CFAP299: variants seen among roughly 807,000 people sequenced by gnomAD.
The protein encoded by CFAP299 is cilia- and flagella-associated protein 299.
CFAP299 carries 21 observed loss-of-function variants against 27.0 expected under a neutral mutation model. The ratio of observed to expected loss-of-function variants is 0.78; its 90% CI spans 0.55 to 1.12. The LOEUF is 1.12. Among genes scored for constraint, CFAP299 ranks in the 50% most tolerant of loss-of-function variants. The pLI is 0.00. For missense variants in CFAP299, 310 were observed against 276.6 expected (o/e 1.12, Z -0.86); for synonymous variants, 104 against 98.1 (o/e 1.06, Z -0.36).
At chr4:80,582,393 CT>C (rs2109871125) in intron 2 of CFAP299, among the ~76,000 whole-genome samples, 1 of 151,814 alleles carries the variant, frequency 6.6e-6, no homozygotes, top group East Asian at 1.9e-4. Context: ...TCATTGTGCC[CT>C]GATACAGTTA....
chr4:80,512,302 G>A (rs1732348649), intron 2 of CFAP299, among the ~76,000 whole-genome samples: 1 of 151,818 alleles, frequency 6.6e-6, no homozygotes, highest in Non-Finnish European at 1.5e-5. Context: ...CTCCTTGATT[G>A]ATTACCTAGA....
intron 4 of CFAP299, among the ~76,000 whole-genome samples, chr4:80,922,840 T>C (rs1736113046): frequency 6.7e-6 from 1 of 149,168 alleles, no homozygotes; most frequent in Admixed American, 6.7e-5. Flanking sequence ...AATATAAATA[T>C]AAAATATTAG....
chr4:80,549,611 ACAGGG>A (rs1734403725), intron 2 of CFAP299, among the ~76,000 whole-genome samples: 1 of 152,266 alleles, frequency 6.6e-6, no homozygotes, highest in East Asian at 1.9e-4. Context: ...TGGATTTTCA[ACAGGG>A]TAACTGTGGA....
intron 2 of CFAP299, among the ~76,000 whole-genome samples, chr4:80,465,825 C>T (rs549106366): frequency 7.9e-4 from 120 of 152,260 alleles, no homozygotes; most frequent in African/African-American, 2.7e-3. Flanking sequence ...TTTCATTGAA[C>T]CTACGTGAGC....
intron 3 of CFAP299, among the ~76,000 whole-genome samples, chr4:80,779,072 T>G (rs1211653481): frequency 6.6e-6 from 1 of 152,094 alleles, no homozygotes; most frequent in Non-Finnish European, 1.5e-5. Context: ...AGAACAAGCT[T>G]AGAAGGCAGA....
At chr4:80,394,426 G>T in intron 2 of CFAP299, among the ~76,000 whole-genome samples, 1 of 148,536 alleles carries the variant, frequency 6.7e-6, no homozygotes, top group South Asian at 2.2e-4. Flanking sequence ...TTTTAAATTA[G>T]ATGCAGTCCC....
chr4:80,517,420 C>G, intron 2 of CFAP299, among the ~76,000 whole-genome samples: 1 of 152,138 alleles, frequency 6.6e-6, no homozygotes, highest in East Asian at 1.9e-4. Context: ...ACCTGGGACA[C>G]TAAACCCTTT....
At chr4:80,777,955 A>G (rs1726650765) in intron 3 of CFAP299, among the ~76,000 whole-genome samples, 1 of 152,154 alleles carries the variant, frequency 6.6e-6, no homozygotes, top group Non-Finnish European at 1.5e-5. Flanking sequence ...TTTGTATTTT[A>G]AGACATTTCT....
In CFAP299 at chr4:80,958,871, T is replaced by TAACA. The variant is rs1325498918; in HGVS notation, c.607-4644_607-4643insCAAA. ...CTGGTAGTTATCTTCCATGAGGTTC[T>TAACA]AAGACTGTTCTTTGTTGAAGACATA... On this transcript the variant is annotated intron_variant, in intron 5 of 5. Coordinates refer to ENST00000358105, the MANE Select transcript of CFAP299 (RefSeq NM_152770.3). 3.3e-5 allele frequency among the ~76,000 whole-genome samples: 5 copies of TAACA among 152,314 alleles called. No individual in the cohort carries two copies. In the East Asian group the frequency reaches 9.7e-4, roughly 29 times the overall value.
intron 3 of CFAP299, among the ~76,000 whole-genome samples, chr4:80,595,110 C>A (rs1475073077): frequency 1.3e-5 from 2 of 152,128 alleles, no homozygotes; most frequent in East Asian, 1.9e-4. Context: ...ATGGATAATT[C>A]TTTTCATATG....
At chr4:80,555,880 T>C (rs1377873760) in intron 2 of CFAP299, among the ~76,000 whole-genome samples, 1 of 152,066 alleles carries the variant, frequency 6.6e-6, no homozygotes, top group East Asian at 1.9e-4. Flanking sequence ...TTGGATCTTC[T>C]ATCTTTACAA....
At chr4:80,493,560 A>G (rs2110141637) in intron 2 of CFAP299, among the ~76,000 whole-genome samples, 1 of 152,236 alleles carries the variant, frequency 6.6e-6, no homozygotes, top group East Asian at 1.9e-4. Context: ...AGGGTGGAGT[A>G]GGTAATCGAA....
chr4:80,565,386 A>G (rs915711765), intron 2 of CFAP299, among the ~76,000 whole-genome samples: 3 of 152,088 alleles, frequency 2.0e-5, no homozygotes, highest in African/African-American at 7.2e-5. Flanking sequence ...GCAAACATGT[A>G]TAGAATGTTT....
intron 4 of CFAP299, among the ~76,000 whole-genome samples, chr4:80,934,988 C>A (rs1463459222): frequency 6.6e-6 from 1 of 151,228 alleles, no homozygotes; most frequent in African/African-American, 2.4e-5. Context: ...AGATTTTTTT[C>A]TGAATATAGG....
intron 3 of CFAP299, among the ~76,000 whole-genome samples, chr4:80,588,076 G>C (rs1736539953): frequency 6.6e-6 from 1 of 151,232 alleles, no homozygotes; most frequent in Non-Finnish European, 1.5e-5. Flanking sequence ...GTCTTAGTCT[G>C]ATCTCACAGA....
chr4:80,755,347 T>C (rs1046456420), intron 3 of CFAP299, among the ~76,000 whole-genome samples: 1 of 152,100 alleles, frequency 6.6e-6, no homozygotes, highest in Non-Finnish European at 1.5e-5. Context: ...GTTAAGCTCT[T>C]TGTAAGACAT....
intron 2 of CFAP299, among the ~76,000 whole-genome samples, chr4:80,379,233 T>C (rs1031400427): frequency 2.0e-5 from 3 of 152,076 alleles, no homozygotes; most frequent in African/African-American, 7.2e-5. Flanking sequence ...ATTCTTAATA[T>C]CATGTTATCA....
chr4:80,906,178 TGCA>T (rs1252325851), intron 4 of CFAP299, among the ~76,000 whole-genome samples: 1 of 125,822 alleles, frequency 7.9e-6, no homozygotes, highest in Non-Finnish European at 1.5e-5. Flanking sequence ...ATAGGCCCCA[TGCA>T]GCCCAAAATC....
chr4:80,631,859 G>GCCCCCCCCCCCCC lies in CFAP299; in HGVS notation c.333+48680_333+48681insCCCCCCCCCCCCC, dbSNP rs34119726. 1.9e-4 allele frequency among the ~76,000 whole-genome samples: 4 copies of GCCCCCCCCCCCCC among 21,512 alleles called. 1 individual carries two copies. Among genetic ancestry groups the GCCCCCCCCCCCCC allele is most frequent in the Non-Finnish European group, 3.7e-4 (4 of 10,864 alleles). 14.1% of individuals were successfully genotyped at this position (21,512 alleles called of 152,430 possible). Reference sequence around the variant, plus strand: ...TTAGGCTATCAGTCTGAATATTTGTGCCCCACCCCCCCCCAACCAAATTCA... The same window carrying GCCCCCCCCCCCCC: ...TTAGGCTATCAGTCTGAATATTTGTGCCCCCCCCCCCCCCCCCACCCCCCCCCAACCAAATTCA... On this transcript the variant is annotated intron_variant, in intron 3 of 5. Transcript: ENST00000358105.
Sources: allele counts gnomAD v4.1 joint callset (sites outside exome capture counted in the v4.1 genomes callset), GRCh38; gene constraint gnomAD v4.1.1; transcripts MANE v1.5; gene names NCBI Gene and HGNC (gene_info 2026-07-23, HGNC 2026-07-21).